SUMF1: variants seen among roughly 807,000 people sequenced by gnomAD.
SUMF1 encodes sulfatase modifying factor 1.
In SUMF1, 48 loss-of-function variants were observed where a neutral mutation model predicts 47.6. That is an observed-to-expected ratio of 1.01 (90% CI 0.80 to 1.28). SUMF1 has a LOEUF of 1.28. SUMF1 is among the 50% of genes most tolerant of loss of function. The probability of loss-of-function intolerance (pLI) is 0.00; values close to 1 mark genes in which losing one functional copy is unlikely to be tolerated. For synonymous variants in SUMF1, 230 were observed against 192.1 expected, an observed-to-expected ratio of 1.20 and a Z score of -1.63; for missense variants, 571 against 485.4, an observed-to-expected ratio of 1.18 and a Z score of -1.66.
rs1307189065 is a variant in SUMF1 at position 4,309,113 on chromosome 3, G to C, written c.1014+67217C>G. ...GGAATTGTTATTGTCTAAAAACTTA[G>C]GAATGCCTTGGGTAAGATAAAGGGT... On this transcript the variant is annotated intron_variant and NMD_transcript_variant, in intron 8 of 12. Coordinates refer to the SUMF1 transcript ENST00000448413. 2.0e-5 allele frequency among the ~76,000 whole-genome samples: 3 copies of C among 152,184 alleles called. No homozygotes were observed. In the East Asian group the frequency reaches 5.8e-4, roughly 29 times the overall value.
intron 8 of SUMF1, among the ~76,000 whole-genome samples, chr3:4,168,606 A>G (rs971777429): frequency 6.6e-6 from 1 of 152,204 alleles, no homozygotes; most frequent in African/African-American, 2.4e-5. Flanking sequence ...ATGTGTACAT[A>G]TTACATTTCA....
chr3:4,313,881 T>A lies in SUMF1; in HGVS notation c.1014+62449A>T, dbSNP rs771456286. ...CAGGAATGTGGCAGAGACTGCAAGT[T>A]GTCCATCAGTATCCTTTCCCCTTTC... On this transcript the variant is annotated intron_variant and NMD_transcript_variant, in intron 8 of 12. Transcript: ENST00000448413. The A allele has an allele frequency of 2.6e-5, 40 of 1,509,984 alleles. No homozygotes were observed. In the South Asian group the frequency reaches 5.2e-4, roughly 20 times the overall value. The allele number at this position is 1,509,984 out of a possible 1,614,324, so 93.5% of individuals were successfully genotyped here.
At chr3:4,367,717 C>G (rs918301561) in intron 8 of SUMF1, among the ~76,000 whole-genome samples, 33 of 152,248 alleles carry the variant, frequency 2.2e-4, no homozygotes, top group East Asian at 7.7e-4. Context: ...ACAAACCTGA[C>G]AAAAACAAGC....
chr3:4,176,298 G>A (rs528367144), intron 8 of SUMF1, among the ~76,000 whole-genome samples: 2 of 152,132 alleles, frequency 1.3e-5, no homozygotes, highest in African/African-American at 2.4e-5. Flanking sequence ...GAAAGGTCGA[G>A]TTACTCACAA....
intron 8 of SUMF1, among the ~76,000 whole-genome samples, chr3:4,285,941 G>C (rs1436405692): frequency 6.6e-6 from 1 of 152,090 alleles, no homozygotes; most frequent in Non-Finnish European, 1.5e-5. Flanking sequence ...GGAGCATGTT[G>C]TCAAATAAAT....
intron 9 of SUMF1, among the ~76,000 whole-genome samples, chr3:4,055,099 T>C (rs1310776673): frequency 2.0e-5 from 3 of 152,142 alleles, no homozygotes; most frequent in African/African-American, 7.2e-5. Context: ...GTGGAGTGCG[T>C]TTTCTTCATG....
At chr3:4,359,851 AG>A (rs1699703713), downstream of SUMF1, among the ~76,000 whole-genome samples, 1 of 152,180 alleles carries the variant, frequency 6.6e-6, no homozygotes, top group African/African-American at 2.4e-5. Flanking sequence ...TCAGTTGCCC[AG>A]GCTGGTCTCA....
At chr3:4,157,336 T>C (rs1242362697) in intron 8 of SUMF1, among the ~76,000 whole-genome samples, 1 of 151,568 alleles carries the variant, frequency 6.6e-6, no homozygotes, top group Non-Finnish European at 1.5e-5. Context: ...TCATATAGTA[T>C]TAGCCCTTGA....
chr3:4,394,467 A>T (rs546264923), intron 7 of SUMF1, among the ~76,000 whole-genome samples: 1 of 152,258 alleles, frequency 6.6e-6, no homozygotes, highest in South Asian at 2.1e-4. Context: ...CACATACTGA[A>T]GTTTTCTAGG....
chr3:4,391,234 G>A (rs981138728), intron 7 of SUMF1, among the ~76,000 whole-genome samples: 1 of 151,376 alleles, frequency 6.6e-6, no homozygotes, highest in African/African-American at 2.4e-5. Flanking sequence ...GTCCAGGTGT[G>A]GTTTTTTGTT....
At chr3:4,309,297 C>A (rs1055239454) in intron 8 of SUMF1, among the ~76,000 whole-genome samples, 3 of 152,122 alleles carry the variant, frequency 2.0e-5, no homozygotes, top group African/African-American at 7.2e-5. Flanking sequence ...GACCCCTGCC[C>A]CCTTCCCATC....
chr3:4,319,326 G>T (rs957559866), intron 8 of SUMF1, among the ~76,000 whole-genome samples: 3 of 152,178 alleles, frequency 2.0e-5, no homozygotes, highest in African/African-American at 7.2e-5. Flanking sequence ...AATGAATGTT[G>T]CCATGAAAGA....
At chr3:4,082,241 G>A (rs975598701) in intron 8 of SUMF1, among the ~76,000 whole-genome samples, 6 of 151,942 alleles carry the variant, frequency 3.9e-5, no homozygotes, top group African/African-American at 1.5e-4. Context: ...CCCAAGGTGG[G>A]CAGATCGCTT....
intron 8 of SUMF1, among the ~76,000 whole-genome samples, chr3:4,119,585 T>C (rs1253294921): frequency 6.6e-6 from 1 of 152,100 alleles, no homozygotes; most frequent in African/African-American, 2.4e-5. Flanking sequence ...TGTCACATTG[T>C]CTATGAAGCC....
intron 8 of SUMF1, among the ~76,000 whole-genome samples, chr3:4,149,451 C>A (rs1694268789): frequency 6.6e-6 from 1 of 152,144 alleles, no homozygotes; most frequent in African/African-American, 2.4e-5. Context: ...CTACTCAATG[C>A]TTGCAACACC....
intron 8 of SUMF1, among the ~76,000 whole-genome samples, chr3:4,239,855 C>A (rs1407468085): frequency 6.6e-6 from 1 of 152,116 alleles, no homozygotes; most frequent in African/African-American, 2.4e-5. Flanking sequence ...TGCTGGTTTT[C>A]AAAAGGAATG....
intron 9 of SUMF1, among the ~76,000 whole-genome samples, chr3:4,047,405 T>A (rs1337320591): frequency 6.6e-6 from 1 of 152,176 alleles, no homozygotes; most frequent in Non-Finnish European, 1.5e-5. Context: ...ATTTTCAAGA[T>A]GATGACTTGG....
intron 8 of SUMF1, among the ~76,000 whole-genome samples, chr3:4,353,841 T>TATTG (rs769815645): frequency 6.6e-6 from 1 of 150,480 alleles, no homozygotes; most frequent in Non-Finnish European, 1.5e-5. Context: ...TTGGACATCA[T>TATTG]ATTGATTTTC....
At chr3:4,157,920 C>A (rs1694491402) in intron 8 of SUMF1, among the ~76,000 whole-genome samples, 1 of 151,080 alleles carries the variant, frequency 6.6e-6, no homozygotes, top group African/African-American at 2.5e-5. Context: ...CCATATTGTA[C>A]TTTGTATTTT....
Sources: gnomAD v4.1 joint callset for allele counts (sites outside exome capture counted in the v4.1 genomes callset) on GRCh38, gnomAD v4.1.1 for gene constraint, MANE v1.5 for transcripts, NCBI Gene and HGNC (gene_info 2026-07-23, HGNC 2026-07-21) for gene names.